The following ODAD2 variants were observed in gnomAD, a reference collection of about 807,000 sequenced individuals.
ODAD2 encodes the protein outer dynein arm docking complex subunit 2, also known as outer dynein arm-docking complex subunit 2.
In ODAD2, 89 loss-of-function variants were observed where a neutral mutation model predicts 106.8. That is an observed-to-expected ratio of 0.83 (90% CI 0.70 to 0.99). The LOEUF (loss-of-function observed/expected upper bound fraction) is 0.99. Ranked by LOEUF, ODAD2 falls within the 50% of genes least tolerant of loss-of-function variation. ODAD2 has a pLI of 0.00. For synonymous variants in ODAD2, 404 were observed against 436.2 expected (o/e 0.93, Z 0.92); for missense variants, 1,168 against 1,238.5 (o/e 0.94, Z 0.85).
At chr10:27,978,016 G>A (rs1331845761) in intron 7 of ODAD2, among the ~76,000 whole-genome samples, 1 of 152,100 alleles carries the variant, frequency 6.6e-6, no homozygotes, top group East Asian at 1.9e-4. Context: ...TTTCATTCTA[G>A]GCACATTGAA....
chr10:27,963,501 A>G (rs1275055338), intron 9 of ODAD2, among the ~76,000 whole-genome samples: 1 of 152,202 alleles, frequency 6.6e-6, no homozygotes, highest in Non-Finnish European at 1.5e-5. Flanking sequence ...CTTAAATATC[A>G]AAGTCACAAA....
At chr10:27,819,311 A>C (rs1836404387) in intron 19 of ODAD2, among the ~76,000 whole-genome samples, 1 of 152,146 alleles carries the variant, frequency 6.6e-6, no homozygotes, top group Non-Finnish European at 1.5e-5. Context: ...CCCTGTTTTG[A>C]AGAGTTTGAG....
chr10:27,947,961 C>T (rs915765098), intron 10 of ODAD2, among the ~76,000 whole-genome samples: 13 of 152,178 alleles, frequency 8.5e-5, no homozygotes, highest in African/African-American at 3.1e-4. Context: ...TTTCCTATTT[C>T]AAGTTTTCTT....
chr10:27,856,570 C>T (rs1286810524), intron 19 of ODAD2, among the ~76,000 whole-genome samples: 1 of 152,162 alleles, frequency 6.6e-6, no homozygotes, highest in East Asian at 1.9e-4. Context: ...TTAATACCCC[C>T]TGCTGAATTT....
Position 27,936,793 on chromosome 10 carries a change from T to C in ODAD2, c.2185A>G (p.Lys729Glu), listed in dbSNP as rs999741936. The C allele has an allele frequency of 1.2e-6, 2 of 1,614,062 alleles. No homozygotes were observed. The highest frequency in any genetic ancestry group is 1.3e-5 in the African/African-American group (1 of 75,044). The change falls in exon 15 of 20, where the codon AAA (lysine) becomes GAA (glutamate). Residue 729 changes from lysine (K) to glutamate (E), a missense_variant. Physicochemically the swap from Lys to Glu is moderately conservative, Grantham distance 56. This residue lies in a region of ODAD2 where 701 missense variants were observed against 712.3 expected (regional missense o/e 0.98). Transcript: ENST00000305242. ...LASLLNNTDN[K>E]ERLAAVTGAI... is the part of the protein sequence containing the mutation. ...CCTGTGACAGCAGCTAACCGCTCTTTATTGTCAGTGTTATTGAGTAGACTG... is the reference window on the plus strand; with the variant it reads ...CCTGTGACAGCAGCTAACCGCTCTTCATTGTCAGTGTTATTGAGTAGACTG...
At chr10:27,950,483 C>T (rs1847254597) in intron 10 of ODAD2, among the ~76,000 whole-genome samples, 1 of 152,148 alleles carries the variant, frequency 6.6e-6, no homozygotes, top group Non-Finnish European at 1.5e-5. Context: ...TACATATATC[C>T]TTAAATAAAT....
intron 16 of ODAD2, among the ~76,000 whole-genome samples, chr10:27,908,061 A>G (rs544312712): frequency 2.6e-5 from 4 of 152,162 alleles, no homozygotes; most frequent in Non-Finnish European, 5.9e-5. Flanking sequence ...CTGTACACAG[A>G]CCTGTTACCT....
chr10:27,990,753 G>T (rs1286299723), intron 2 of ODAD2, among the ~76,000 whole-genome samples: 1 of 152,146 alleles, frequency 6.6e-6, no homozygotes, highest in Non-Finnish European at 1.5e-5. Context: ...GTCCAGAAAG[G>T]TATAAATTGT....
At chr10:27,967,752 G>A (rs1251026746) in intron 9 of ODAD2, among the ~76,000 whole-genome samples, 1 of 151,594 alleles carries the variant, frequency 6.6e-6, no homozygotes, top group African/African-American at 2.4e-5. Context: ...TTAGCTGAGT[G>A]TGGTAGCGCA....
intron 17 of ODAD2, among the ~76,000 whole-genome samples, chr10:27,879,297 C>A (rs1841552719): frequency 1.3e-5 from 2 of 151,844 alleles, no homozygotes; most frequent in African/African-American, 4.8e-5. Context: ...ACATTCTTAA[C>A]CAATGATGTA....
intron 19 of ODAD2, among the ~76,000 whole-genome samples, chr10:27,851,852 T>C (rs1038929072): frequency 6.6e-5 from 10 of 151,916 alleles, no homozygotes; most frequent in African/African-American, 9.7e-5. Context: ...ACAAGAAACA[T>C]GAAGGAAACT....
chr10:27,855,181 G>T lies in ODAD2; in HGVS notation c.3021+5444C>A, dbSNP rs140819551. On this transcript the variant is annotated intron_variant, in intron 19 of 19. Transcript: ENST00000305242. ...ATGTGTATGTCAATTATTCCTTAAA[G>T]CTGTCAAGATCTCTTAAAATTAAAA... 1.4e-4 allele frequency among the ~76,000 whole-genome samples: 22 copies of T among 152,042 alleles called. No individual in the cohort carries two copies. The East Asian group carries it at 3.9e-3, about 27-fold the overall frequency.
chr10:27,899,280 C>G lies in ODAD2; in HGVS notation c.2610+8383G>C, dbSNP rs1017829429. On this transcript the variant is annotated intron_variant, in intron 17 of 19. Transcript: ENST00000305242. ...TGCCATGAGGAACAGTATACTCTGG[C>G]CCAGATACTACACTTTTCCCACGGT... Among the ~76,000 whole-genome samples the G allele has an allele frequency of 2.0e-5, 3 of 152,116 alleles. No individual in the cohort carries two copies. The South Asian group carries it at 6.2e-4, about 32-fold the overall frequency.
chr10:27,944,767 C>T (rs749098637), intron 11 of ODAD2, 49 bp downstream of exon 11: 5 of 1,611,350 alleles, frequency 3.1e-6, no homozygotes, highest in African/African-American at 2.7e-5. Flanking sequence ...GAAGAGAGCC[C>T]AGGAAGGTGG....
intron 19 of ODAD2, chr10:27,853,435 A>AAT: frequency 4.9e-6 from 1 of 203,976 alleles, no homozygotes; most frequent in South Asian, 8.2e-5. Flanking sequence ...TATCCACTTT[A>AAT]AGTGAAAAGA....
chr10:27,956,167 A>G (rs1011849648), intron 10 of ODAD2, among the ~76,000 whole-genome samples: 3 of 152,194 alleles, frequency 2.0e-5, no homozygotes, highest in African/African-American at 7.2e-5. Context: ...ATGAATGTGT[A>G]GGAATGGCCA....
At chr10:27,821,935 C>T (rs1027478581) in intron 19 of ODAD2, among the ~76,000 whole-genome samples, 1 of 152,310 alleles carries the variant, frequency 6.6e-6, no homozygotes. Context: ...TTCATATATA[C>T]ACTGAAGGAA....
intron 19 of ODAD2, among the ~76,000 whole-genome samples, chr10:27,819,332 T>C (rs1836407316): frequency 6.6e-6 from 1 of 151,810 alleles, no homozygotes; most frequent in Non-Finnish European, 1.5e-5. Context: ...GGGTTTGGAG[T>C]AGAAAGATTA....
chr10:27,887,620 T>C (rs1842311160), intron 17 of ODAD2, among the ~76,000 whole-genome samples: 1 of 151,966 alleles, frequency 6.6e-6, no homozygotes, highest in Non-Finnish European at 1.5e-5. Context: ...TGAAGTCATA[T>C]AAAGTATCTC....
Sources: allele counts gnomAD v4.1 joint callset (sites outside exome capture counted in the v4.1 genomes callset), GRCh38; gene constraint gnomAD v4.1.1; regional missense constraint gnomAD v4.1.1; transcripts MANE v1.5; gene names NCBI Gene and HGNC (gene_info 2026-07-23, HGNC 2026-07-21).